Variants in OPCML observed in about 807,000 individuals in gnomAD.
The protein encoded by OPCML is opioid-binding protein/cell adhesion molecule.
A neutral mutation model predicts 37.8 loss-of-function variants in OPCML; 13 were observed. The observed-to-expected ratio is 0.34, with a 90% CI of 0.22 to 0.55. The LOEUF (loss-of-function observed/expected upper bound fraction) is 0.55. Ranked by LOEUF, OPCML falls within the 20% of genes least tolerant of loss-of-function variation. OPCML has a pLI of 0.91. For missense variants in OPCML, 341 were observed against 435.6 expected (o/e 0.78, Z 1.93); for synonymous variants, 176 against 168.8 (o/e 1.04, Z -0.33).
At chr11:132,469,618 T>C (rs1285491412) in intron 4 of OPCML, among the ~76,000 whole-genome samples, 1 of 136,262 alleles carries the variant, frequency 7.3e-6, no homozygotes, top group East Asian at 2.3e-4. Flanking sequence ...TGTGTGTATG[T>C]GTGTGGGGTG....
intron 3 of OPCML, among the ~76,000 whole-genome samples, chr11:132,597,946 C>T (rs1025730332): frequency 1.3e-5 from 2 of 152,208 alleles, no homozygotes; most frequent in Admixed American, 1.3e-4. Context: ...AAGCCTCTAC[C>T]TGGAACGCCC....
chr11:133,081,320 G>A (rs1339303171), intron 1 of OPCML, among the ~76,000 whole-genome samples: 2 of 152,078 alleles, frequency 1.3e-5, no homozygotes, highest in Non-Finnish European at 2.9e-5. Context: ...CTGAGGATGC[G>A]GCATCCTGCT....
At chr11:133,470,387 C>G (rs1187879900) in intron 1 of OPCML, among the ~76,000 whole-genome samples, 1 of 152,152 alleles carries the variant, frequency 6.6e-6, no homozygotes, top group East Asian at 1.9e-4. Flanking sequence ...AATCTAGGGA[C>G]AATCTCATGG....
intron 1 of OPCML, among the ~76,000 whole-genome samples, chr11:133,458,902 TAC>T (rs1192872564): frequency 6.6e-6 from 1 of 150,914 alleles, no homozygotes; most frequent in Non-Finnish European, 1.5e-5. Flanking sequence ...TGTATATATA[TAC>T]ACATATATAT....
intron 2 of OPCML, among the ~76,000 whole-genome samples, chr11:132,685,097 C>A (rs996360830): frequency 2.6e-5 from 4 of 152,270 alleles, no homozygotes; most frequent in East Asian, 3.9e-4. Context: ...GTCAATGTAA[C>A]TTTTAAATGG....
intron 2 of OPCML, among the ~76,000 whole-genome samples, chr11:132,790,531 A>T (rs564751251): frequency 2.6e-5 from 4 of 152,362 alleles, no homozygotes; most frequent in Non-Finnish European, 4.4e-5. Context: ...CTATGGAATG[A>T]TAGGCTGGTT....
intron 1 of OPCML, among the ~76,000 whole-genome samples, chr11:133,439,931 G>A (rs533789246): frequency 5.9e-5 from 9 of 152,174 alleles, no homozygotes; most frequent in Admixed American, 2.0e-4. Context: ...TATCCAGAAC[G>A]CCATTAATGT....
rs563562867 is a variant in OPCML, at chr11:133,135,962, A to G, written c.62-192952T>C. 2.0e-5 allele frequency among the ~76,000 whole-genome samples: 3 copies of G among 152,318 alleles called. No individual in the cohort carries two copies. In the East Asian group the frequency reaches 5.8e-4, roughly 29 times the overall value. ...AACAGCGGCAGAACTCCACTGTGGG[A>G]CAAAAAAGCAATATTGACCAAGAAA... On this transcript the variant is annotated intron_variant, in intron 1 of 7. Coordinates refer to ENST00000524381, the MANE Select transcript of OPCML (RefSeq NM_001012393.5).
intron 2 of OPCML, among the ~76,000 whole-genome samples, chr11:132,789,221 G>A (rs750733561): frequency 6.6e-6 from 1 of 152,168 alleles, no homozygotes; most frequent in Non-Finnish European, 1.5e-5. Context: ...GTCTGTGTAT[G>A]TATTTTGTGC....
At chr11:133,320,725 G>A (rs1943308946) in intron 1 of OPCML, among the ~76,000 whole-genome samples, 2 of 152,296 alleles carry the variant, frequency 1.3e-5, no homozygotes, top group Non-Finnish European at 2.9e-5. Context: ...CTTTGCCAAT[G>A]TATAAATAAA....
chr11:133,053,078 C>T (rs1948160886), intron 1 of OPCML, among the ~76,000 whole-genome samples: 3 of 152,216 alleles, frequency 2.0e-5, no homozygotes, highest in Non-Finnish European at 2.9e-5. Context: ...GGCCTTTGAA[C>T]AGGAACATCT....
At chr11:132,959,265 G>A (rs1946034907) in intron 1 of OPCML, among the ~76,000 whole-genome samples, 1 of 152,218 alleles carries the variant, frequency 6.6e-6, no homozygotes, top group African/African-American at 2.4e-5. Context: ...TACAAGTGGA[G>A]ACTAAAGATG....
Position 132,634,404 on chromosome 11 carries a change from A to T in OPCML, c.379+22683T>A, listed in dbSNP as rs183447808. On this transcript the variant is annotated intron_variant, in intron 3 of 7. Transcript: ENST00000524381. ...TTCTGCAGGTTGGACTACATATGAC[A>T]GTCCCTAATAACTGAATATACTTTT... Among the ~76,000 whole-genome samples, 14 of 152,354 alleles carry T rather than the reference A, an allele frequency of 9.2e-5. No individual in the cohort carries two copies. The East Asian group carries it at 2.7e-3, about 29-fold the overall frequency.
chr11:133,239,385 T>C (rs1940640904), intron 1 of OPCML, among the ~76,000 whole-genome samples: 1 of 152,222 alleles, frequency 6.6e-6, no homozygotes, highest in Non-Finnish European at 1.5e-5. Context: ...CCTACCATTT[T>C]CTGTAGTCTA....
intron 1 of OPCML, among the ~76,000 whole-genome samples, chr11:133,441,340 T>A: frequency 6.6e-6 from 1 of 152,138 alleles, no homozygotes; most frequent in Non-Finnish European, 1.5e-5. Context: ...ACAATTGGAC[T>A]ATTGACACAA....
chr11:133,045,017 A>G (rs1947980347), intron 1 of OPCML, among the ~76,000 whole-genome samples: 1 of 152,226 alleles, frequency 6.6e-6, no homozygotes, highest in African/African-American at 2.4e-5. Context: ...CACATTTTTC[A>G]GAATCCACAA....
chr11:132,762,438 C>A (rs1233414546), intron 2 of OPCML, among the ~76,000 whole-genome samples: 1 of 152,196 alleles, frequency 6.6e-6, no homozygotes, highest in Non-Finnish European at 1.5e-5. Flanking sequence ...GGTGCTCTGT[C>A]CCAGGGAGAT....
chr11:133,334,593 G>C (rs970013018), intron 1 of OPCML, among the ~76,000 whole-genome samples: 3 of 152,160 alleles, frequency 2.0e-5, no homozygotes, highest in African/African-American at 7.2e-5. Context: ...CAACCCCCAT[G>C]ACATGTGTTT....
At chr11:132,713,417 T>C (rs769482848) in intron 2 of OPCML, among the ~76,000 whole-genome samples, 6 of 152,142 alleles carry the variant, frequency 3.9e-5, no homozygotes, top group African/African-American at 9.7e-5. Flanking sequence ...AGAAACTCTA[T>C]AAATTTTACA....
Sources: gnomAD v4.1 joint callset for allele counts (sites outside exome capture counted in the v4.1 genomes callset) on GRCh38, gnomAD v4.1.1 for gene constraint, MANE v1.5 for transcripts, NCBI Gene and HGNC (gene_info 2026-07-23, HGNC 2026-07-21) for gene names.